Variants in WWTR1 observed in about 807,000 individuals in gnomAD.
The protein encoded by WWTR1 is WW domain-containing transcription regulator protein 1.
WWTR1 carries 13 observed loss-of-function variants against 40.1 expected under a neutral mutation model. That is an observed-to-expected ratio of 0.32 (90% CI 0.21 to 0.52). The LOEUF (loss-of-function observed/expected upper bound fraction) is 0.52. Ranked by LOEUF, WWTR1 falls within the 20% of genes least tolerant of loss-of-function variation. WWTR1 has a pLI of 0.97. For synonymous variants in WWTR1, 230 were observed against 210.1 expected, an observed-to-expected ratio of 1.09 and a Z score of -0.82; for missense variants, 436 against 523.1, an observed-to-expected ratio of 0.83 and a Z score of 1.63.
intron 1 of WWTR1, among the ~76,000 whole-genome samples, chr3:149,670,490 G>C (rs992871494): frequency 6.6e-6 from 1 of 151,846 alleles, no homozygotes; most frequent in African/African-American, 2.4e-5. Context: ...CCCTCTACAG[G>C]TGCTGATGTC....
At chr3:149,686,148 C>T (rs1714637077) in intron 1 of WWTR1, among the ~76,000 whole-genome samples, 1 of 152,166 alleles carries the variant, frequency 6.6e-6, no homozygotes, top group South Asian at 2.1e-4. Flanking sequence ...AGTAGAGCAC[C>T]TTTATGTTTG....
intron 2 of WWTR1, among the ~76,000 whole-genome samples, chr3:149,655,131 G>A (rs112417814): frequency 4.4e-4 from 60 of 136,334 alleles, no homozygotes; most frequent in African/African-American, 1.6e-3. Flanking sequence ...ATCTAAAAAA[G>A]AAAGAAAGAA....
chr3:149,628,109 G>A (rs1268961781), intron 2 of WWTR1, among the ~76,000 whole-genome samples: 3 of 149,094 alleles, frequency 2.0e-5, no homozygotes, highest in Non-Finnish European at 4.4e-5. Flanking sequence ...GGTGGCTCAC[G>A]CCTGTAATCC....
At position 149,578,897 on chromosome 3, in the gene WWTR1, T is replaced by C. The variant is rs557989200; in HGVS notation, c.432-5897A>G. On this transcript the variant is annotated intron_variant, in intron 2 of 6. Transcript: ENST00000360632. Reference sequence around the variant, plus strand: ...AAACTCCATCTCAAAAAAAATAAAATAAAATAGAATCCTCCAGCTTCTTAC... The same window carrying C: ...AAACTCCATCTCAAAAAAAATAAAACAAAATAGAATCCTCCAGCTTCTTAC... Among the ~76,000 whole-genome samples the C allele has an allele frequency of 1.8e-4, 28 of 152,094 alleles. No individual in the cohort carries two copies. In the South Asian group the frequency reaches 5.6e-3, roughly 30 times the overall value.
rs562800653 is a variant in WWTR1, at chr3:149,717,920, T to C, written n.460-354A>G. Reference sequence around the variant, plus strand: ...TCATGTTTTTCTCCTAGATTTTATATCACCATTAATAAAACAGGTATTATT... The same window carrying C: ...TCATGTTTTTCTCCTAGATTTTATACCACCATTAATAAAACAGGTATTATT... On this transcript the variant is annotated intron_variant and non_coding_transcript_variant, in intron 4 of 6. Coordinates refer to the WWTR1 transcript ENST00000474080. Among the ~76,000 whole-genome samples the C allele has an allele frequency of 5.3e-5, 8 of 152,148 alleles. No homozygotes were observed. In the South Asian group the frequency reaches 1.7e-3, roughly 32 times the overall value.
chr3:149,626,262 A>T (rs1429006078), intron 2 of WWTR1, among the ~76,000 whole-genome samples: 1 of 152,210 alleles, frequency 6.6e-6, no homozygotes, highest in African/African-American at 2.4e-5. Flanking sequence ...ACTGGAGCCT[A>T]CCAACTAATA....
intron 2 of WWTR1, among the ~76,000 whole-genome samples, chr3:149,576,481 G>A (rs1028209782): frequency 1.1e-4 from 16 of 152,016 alleles, no homozygotes; most frequent in Non-Finnish European, 2.2e-4. Flanking sequence ...AATTTAGCTA[G>A]ATTAATCCCC....
At chr3:149,678,471 A>G (rs1483462214) in intron 1 of WWTR1, among the ~76,000 whole-genome samples, 2 of 152,104 alleles carry the variant, frequency 1.3e-5, no homozygotes, top group African/African-American at 4.8e-5. Flanking sequence ...TCTGTTAATC[A>G]CAGGAAGCAG....
intron 2 of WWTR1, among the ~76,000 whole-genome samples, chr3:149,647,672 T>C (rs1292736728): frequency 6.6e-6 from 1 of 152,202 alleles, no homozygotes; most frequent in Admixed American, 6.5e-5. Context: ...ACTTGCTAAA[T>C]TGAATATAGG....
chr3:149,563,016 C>G (rs539547026), intron 3 of WWTR1, among the ~76,000 whole-genome samples: 6 of 152,156 alleles, frequency 3.9e-5, no homozygotes, highest in Non-Finnish European at 7.4e-5. Context: ...ACCTCGAATC[C>G]CACTGCCTGC....
chr3:149,713,785 G>A (rs1715530846), intron 5 of WWTR1, among the ~76,000 whole-genome samples: 1 of 152,230 alleles, frequency 6.6e-6, no homozygotes, highest in Non-Finnish European at 1.5e-5. Flanking sequence ...GGAGGGAGCG[G>A]CTGTGGGAGT....
intron 2 of WWTR1, among the ~76,000 whole-genome samples, chr3:149,605,613 A>G (rs571116274): frequency 1.3e-5 from 2 of 152,188 alleles, no homozygotes; most frequent in Admixed American, 6.5e-5. Context: ...GACGTGTTTA[A>G]TGGGCAAAAG....
intron 5 of WWTR1, among the ~76,000 whole-genome samples, chr3:149,709,498 C>T (rs1019730937): frequency 6.6e-6 from 1 of 152,084 alleles, no homozygotes; most frequent in African/African-American, 2.4e-5. Context: ...TTACAAGGAA[C>T]AGAGAACCAT....
At chr3:149,673,718 G>A (rs1026940693) in intron 1 of WWTR1, among the ~76,000 whole-genome samples, 1 of 152,280 alleles carries the variant, frequency 6.6e-6, no homozygotes, top group East Asian at 1.9e-4. Context: ...TCTTTACTTT[G>A]CTGTCATGGG....
At chr3:149,691,420 A>G (rs1296138963) in intron 1 of WWTR1, among the ~76,000 whole-genome samples, 1 of 151,912 alleles carries the variant, frequency 6.6e-6, no homozygotes, top group African/African-American at 2.4e-5. Context: ...CTTTAGCCAG[A>G]CTAGGAAAAA....
intron 1 of WWTR1, among the ~76,000 whole-genome samples, chr3:149,697,815 T>G (rs948182363): frequency 2.0e-5 from 3 of 152,210 alleles, no homozygotes; most frequent in African/African-American, 4.8e-5. Flanking sequence ...GTTATTGAAT[T>G]CAAAGATACA....
At chr3:149,652,620 C>CAAAAAAAAAAAAAA (rs758013561) in intron 2 of WWTR1, among the ~76,000 whole-genome samples, 3 of 20,202 alleles carry the variant, frequency 1.5e-4, no homozygotes, top group Non-Finnish European at 3.0e-4. Flanking sequence ...GACCCCATCT[C>CAAAAAAAAAAAAAA]AAAAAAAAAA....
chr3:149,657,369 T>C, intron 1 of WWTR1, 60 bp from the exon 2 acceptor site: 1 of 1,516,244 alleles, frequency 6.6e-7, no homozygotes, highest in Non-Finnish European at 8.9e-7. Flanking sequence ...GGTAAGAGGG[T>C]TACAGGGTGA....
intron 2 of WWTR1, among the ~76,000 whole-genome samples, chr3:149,577,309 G>A (rs879640818): frequency 6.6e-6 from 1 of 152,126 alleles, no homozygotes; most frequent in Non-Finnish European, 1.5e-5. Context: ...GTTCCTACGG[G>A]GAAGAAAAGC....
Sources: gnomAD v4.1 joint callset for allele counts (sites outside exome capture counted in the v4.1 genomes callset) on GRCh38, gnomAD v4.1.1 for gene constraint, MANE v1.5 for transcripts, NCBI Gene and HGNC (gene_info 2026-07-23, HGNC 2026-07-21) for gene names.